The following KAT7 variants were observed in gnomAD, a reference collection of about 807,000 sequenced individuals.
KAT7 encodes histone acetyltransferase KAT7.
KAT7 carries 10 observed loss-of-function variants against 82.1 expected under a neutral mutation model. The observed-to-expected ratio is 0.12, with a 90% CI of 0.08 to 0.21. KAT7 has a LOEUF of 0.21. KAT7 is among the 10% of genes least tolerant of loss of function. The probability of loss-of-function intolerance (pLI) is 1.00; values close to 1 mark genes in which losing one functional copy is unlikely to be tolerated. For synonymous variants in KAT7, 250 were observed against 262.5 expected (o/e 0.95, Z 0.46); for missense variants, 378 against 760.9 (o/e 0.50, Z 5.92).
At chr17:49,797,429 G>A (rs1279331683) in intron 3 of KAT7, among the ~76,000 whole-genome samples, 1 of 152,104 alleles carries the variant, frequency 6.6e-6, no homozygotes, top group African/African-American at 2.4e-5. Flanking sequence ...AGTAGCTGGA[G>A]TATATTAAAT....
In KAT7 at chr17:49,831,301, TGTTA is replaced by T. The variant is rs1385991909; in HGVS notation, c.*3803_*3806del. 1 of 152,140 alleles carries T rather than the reference TGTTA, an allele frequency of 6.6e-6. No individual in the cohort carries two copies. The highest frequency in any genetic ancestry group is 1.9e-4 in the East Asian group (1 of 5,192). The allele number at this position is 152,140 out of a possible 1,614,324, so 9.4% of individuals were successfully genotyped here. ...AAAAACAAAAAACAGAATTGATTGATGTTAGTTGGCTTTAGAAGCAGCAAGTTTA... is the reference window on the plus strand; with the variant it reads ...AAAAACAAAAAACAGAATTGATTGATGTTGGCTTTAGAAGCAGCAAGTTTA... On this transcript the variant is annotated 3_prime_UTR_variant, in exon 15 of 15. Coordinates refer to ENST00000259021, the MANE Select transcript of KAT7 (RefSeq NM_007067.5).
At chr17:49,793,493 C>T (rs945180214) in intron 2 of KAT7, among the ~76,000 whole-genome samples, 8 of 151,264 alleles carry the variant, frequency 5.3e-5, no homozygotes, top group Non-Finnish European at 1.0e-4. Flanking sequence ...TACAGAAAGC[C>T]GATGATCAAC....
At position 49,796,852 on chromosome 17, in the gene KAT7, C is replaced by T. The variant is rs199567018; in HGVS notation, c.266C>T (p.Pro89Leu). 7.4e-6 allele frequency: 12 copies of T among 1,613,990 alleles called. No individual in the cohort carries two copies. Among genetic ancestry groups the T allele is most frequent in the Middle Eastern group, 1.7e-4 (1 of 6,058 alleles). ...CAGCAGCAGCCTACCCCAGTGACACCGAAAAAATACCCTCTTCGGCAGACT... is the reference window on the plus strand; with the variant it reads ...CAGCAGCAGCCTACCCCAGTGACACTGAAAAAATACCCTCTTCGGCAGACT... ...RSQQQPTPVT[P>L]KKYPLRQTRS... is the part of the protein sequence containing the mutation. Residue 89 changes from proline to leucine, a missense_variant, in exon 3 of 15, where the codon CCG becomes CTG. Coordinates refer to ENST00000259021, the MANE Select transcript of KAT7 (RefSeq NM_007067.5).
chr17:49,822,248 G>C lies in KAT7; in HGVS notation c.1386+458G>C, dbSNP rs573722354. 3.4e-5 allele frequency among the ~76,000 whole-genome samples: 5 copies of C among 147,764 alleles called. No individual in the cohort carries two copies. The South Asian group carries it at 8.6e-4, about 25-fold the overall frequency. Reference sequence around the variant, plus strand: ...AAGGCCAGATTTTTTTTTTTTTTCTGACAGAGTCTCACTCTGTTGCCCAGG... The same window carrying C: ...AAGGCCAGATTTTTTTTTTTTTTCTCACAGAGTCTCACTCTGTTGCCCAGG... On this transcript the variant is annotated intron_variant, in intron 11 of 14. Transcript: ENST00000259021.
rs2074412609 is a variant in KAT7 at position 49,830,192 on chromosome 17, TTTTTTTTTTTTTTTTTA to T, written c.*2691_*2707del. The T allele has an allele frequency of 7.2e-6, 1 of 138,368 alleles. No individual in the cohort carries two copies. Among genetic ancestry groups the T allele is most frequent in the Non-Finnish European group, 1.5e-5 (1 of 65,670 alleles). 8.6% of individuals were successfully genotyped at this position (138,368 alleles called of 1,614,324 possible). ...TGCACCCGACCTATTTTTTTTTTTT[TTTTTTTTTTTTTTTTTA>T]AAAAAAGACAGTCTCACTCTATCAT... On this transcript the variant is annotated 3_prime_UTR_variant, in exon 15 of 15. Transcript: ENST00000259021.
At chr17:49,807,635 G>A (rs894600657) in intron 5 of KAT7, among the ~76,000 whole-genome samples, 1 of 152,194 alleles carries the variant, frequency 6.6e-6, no homozygotes, top group Admixed American at 6.5e-5. Context: ...ACTTGTTAAC[G>A]TGGAGAATGG....
intron 1 of KAT7, among the ~76,000 whole-genome samples, chr17:49,790,400 T>A (rs2073871370): frequency 6.6e-6 from 1 of 152,218 alleles, no homozygotes; most frequent in African/African-American, 2.4e-5. Context: ...TTTCACCATG[T>A]TGGTCAGGGT....
Position 49,791,867 on chromosome 17 carries a change from T to G in KAT7, c.16-19T>G, listed in dbSNP as rs753544127. The G allele has an allele frequency of 6.2e-7, 1 of 1,612,246 alleles. No individual in the cohort carries two copies. Among genetic ancestry groups the G allele is most frequent in the South Asian group, 1.1e-5 (1 of 91,038 alleles). On this transcript the variant is annotated intron_variant, in intron 1 of 14. Transcript: ENST00000259021. Reference sequence around the variant, plus strand: ...GACCAAATGCTTCTGTGCTAATATCTGGATCTATGGTATTACAGAGGAATG... The same window carrying G: ...GACCAAATGCTTCTGTGCTAATATCGGGATCTATGGTATTACAGAGGAATG...
chr17:49,812,359 G>C (rs932724973), intron 7 of KAT7, among the ~76,000 whole-genome samples: 4 of 150,446 alleles, frequency 2.7e-5, no homozygotes, highest in Non-Finnish European at 5.9e-5. Flanking sequence ...CGAGTAGCTA[G>C]GATTACAGAC....
At chr17:49,801,430 GTTTAC>G (rs932144366) in intron 4 of KAT7, among the ~76,000 whole-genome samples, 1 of 151,928 alleles carries the variant, frequency 6.6e-6, no homozygotes, top group African/African-American at 2.4e-5. Flanking sequence ...AAGTGAAAAA[GTTTAC>G]TTTGACTTTG....
At chr17:49,820,392 C>T (rs1201467946) in intron 9 of KAT7, among the ~76,000 whole-genome samples, 1 of 151,938 alleles carries the variant, frequency 6.6e-6, no homozygotes, top group African/African-American at 2.4e-5. Context: ...GATTCTTCTG[C>T]CTCAGCCTCC....
intron 13 of KAT7, chr17:49,826,418 T>TC (rs1255844082): frequency 2.0e-6 from 1 of 499,150 alleles, no homozygotes; most frequent in Non-Finnish European, 3.6e-6. Flanking sequence ...GAGAAAGACA[T>TC]CCCTGTGTAT....
chr17:49,809,157 G>C lies in KAT7; in HGVS notation c.702G>C (p.Arg234Ser). The change falls in exon 6 of 15, where the codon AGG (arginine) becomes AGC (serine). Residue 234 changes from arginine to serine, a missense_variant. By Grantham distance (110) the Arg-to-Ser change is moderately radical. This residue lies in a region of KAT7 where 102 missense variants were observed against 129.8 expected (regional missense o/e 0.79). Coordinates refer to ENST00000259021, the MANE Select transcript of KAT7 (RefSeq NM_007067.5). The part of the protein sequence containing the change: ...AQSRDKQIEE[R>S]MLSHRQDDNN... ...GCCGGGATAAGCAGATAGAAGAAAGGATGCTGTCTCACAGGCAAGATGACA... is the reference window on the plus strand; with the variant it reads ...GCCGGGATAAGCAGATAGAAGAAAGCATGCTGTCTCACAGGCAAGATGACA... 1 of 1,614,160 alleles carries C rather than the reference G, an allele frequency of 6.2e-7. No individual in the cohort carries two copies. The highest frequency in any genetic ancestry group is 8.5e-7 in the Non-Finnish European group (1 of 1,180,012).
At chr17:49,792,989 T>C (rs1188658967) in intron 2 of KAT7, among the ~76,000 whole-genome samples, 2 of 152,084 alleles carry the variant, frequency 1.3e-5, no homozygotes, top group Non-Finnish European at 2.9e-5. Flanking sequence ...TTTTCTTTGT[T>C]TTTTGTAGAG....
Position 49,796,798 on chromosome 17 carries a change from C to G in KAT7, c.212C>G (p.Ala71Gly), listed in dbSNP as rs1354843293. 6.2e-7 allele frequency: 1 copy of G among 1,613,714 alleles called. No individual in the cohort carries two copies. Among genetic ancestry groups the G allele is most frequent in the Non-Finnish European group, 8.5e-7 (1 of 1,179,846 alleles). Residue 71 changes from alanine (A) to glycine (G), a missense_variant, in exon 3 of 15, where the codon GCT (alanine) becomes GGT (glycine). By Grantham distance (60) the Ala-to-Gly change is moderately conservative (BLOSUM62 0). Around this residue, in one of 6 missense-constraint regions of KAT7, gnomAD observed 161 missense variants for 229.6 expected, o/e 0.70. Transcript: ENST00000259021. ...NLQSFGTEEP[A>G]YSTRRVTRSQ... ...CAGTCTTTTGGCACTGAGGAGCCTG[C>G]TTACTCTACCAGAAGAGTGACCCGT...
At chr17:49,809,355 C>G in intron 6 of KAT7, 147 bp downstream of exon 6, 1 of 632,166 alleles carries the variant, frequency 1.6e-6, no homozygotes, top group South Asian at 2.0e-5. Flanking sequence ...GTTTTTCAAA[C>G]AGTAAATTTT....
intron 1 of KAT7, among the ~76,000 whole-genome samples, chr17:49,791,585 G>A (rs984049667): frequency 5.4e-4 from 82 of 152,234 alleles, no homozygotes; most frequent in African/African-American, 1.9e-3. Flanking sequence ...TTGAACCCGG[G>A]AGGCGGAGGT....
chr17:49,811,596 A>C, intron 7 of KAT7, 22 bp downstream of exon 7: 3 of 1,217,676 alleles, frequency 2.5e-6, no homozygotes, highest in Non-Finnish European at 3.4e-6. Flanking sequence ...TTAAATATTT[A>C]ATGAGCATGA....
chr17:49,797,672 A>G (rs1010563481), intron 3 of KAT7, among the ~76,000 whole-genome samples: 35 of 152,260 alleles, frequency 2.3e-4, no homozygotes, highest in African/African-American at 8.2e-4. Context: ...CAATGATTTC[A>G]TATAAAAACC....
Sources: allele counts gnomAD v4.1 joint callset (sites outside exome capture counted in the v4.1 genomes callset), GRCh38; gene constraint gnomAD v4.1.1; regional missense constraint gnomAD v4.1.1; transcripts MANE v1.5; gene names NCBI Gene and HGNC (gene_info 2026-07-23, HGNC 2026-07-21).